Variants in BRCA2 observed in about 807,000 individuals in gnomAD.
BRCA2 encodes BRCA2 DNA repair associated, also known as breast cancer type 2 susceptibility protein.
In BRCA2, 203 loss-of-function variants were observed where a neutral mutation model predicts 276.7. The observed-to-expected ratio is 0.73, with a 90% CI of 0.65 to 0.82. The LOEUF (loss-of-function observed/expected upper bound fraction) is 0.82. BRCA2 is among the 40% of genes least tolerant of loss of function. The probability of loss-of-function intolerance (pLI) is 0.00; values close to 1 mark genes in which losing one functional copy is unlikely to be tolerated. For synonymous variants in BRCA2, 1,289 were observed against 1,338.4 expected, an observed-to-expected ratio of 0.96 and a Z score of 0.81; for missense variants, 3,920 against 3,915.0, an observed-to-expected ratio of 1.00 and a Z score of -0.03.
chr13:32,341,702 T>TA (rs1221130974), intron 11 of BRCA2, among the ~76,000 whole-genome samples: 5 of 151,460 alleles, frequency 3.3e-5, no homozygotes, highest in Non-Finnish European at 2.9e-5. Context: ...CCGTCTCTAC[T>TA]AAAAAAATAC....
rs1395301094 is a variant in BRCA2 at position 32,349,108 on chromosome 13, G to C, written c.7007+2212G>C. On this transcript the variant is annotated intron_variant, in intron 13 of 26. Coordinates refer to ENST00000380152, the MANE Select transcript of BRCA2 (RefSeq NM_000059.4). Reference sequence around the variant, plus strand: ...GTGGTGGCACACGCCTGTAATCCCAGCTACTCCAGAGGCTGAGGCACAAGA... The same window carrying C: ...GTGGTGGCACACGCCTGTAATCCCACCTACTCCAGAGGCTGAGGCACAAGA... 2.0e-5 allele frequency among the ~76,000 whole-genome samples: 3 copies of C among 151,116 alleles called. No individual in the cohort carries two copies. The East Asian group carries it at 5.8e-4, about 29-fold the overall frequency.
At chr13:32,332,235 T>C in intron 9 of BRCA2, 37 bp from the exon 10 acceptor site, 1 of 1,530,406 alleles carries the variant, frequency 6.5e-7, no homozygotes, top group East Asian at 2.3e-5. Flanking sequence ...ATATGGCTTA[T>C]AAAATATTAA....
At chr13:32,345,987 A>G (rs963331720) in intron 12 of BRCA2, among the ~76,000 whole-genome samples, 1 of 151,946 alleles carries the variant, frequency 6.6e-6, no homozygotes, top group African/African-American at 2.4e-5. Flanking sequence ...ATTCTTCCGG[A>G]TGTGGTTACC....
At chr13:32,317,086 C>G (rs960757566) in intron 2 of BRCA2, among the ~76,000 whole-genome samples, 1 of 152,116 alleles carries the variant, frequency 6.6e-6, no homozygotes, top group African/African-American at 2.4e-5. Flanking sequence ...GTAATCCCAG[C>G]TACACGGGAG....
Position 32,339,129 on chromosome 13 carries a change from A to G in BRCA2, c.4774A>G (p.Lys1592Glu), listed in dbSNP as rs886040548. Residue 1592 changes from lysine (K) to glutamate (E), a missense_variant, in exon 11 of 27, where the codon AAA becomes GAA. Physicochemically the swap from Lys to Glu is moderately conservative, Grantham distance 56 (BLOSUM62 1). This residue lies in a region of BRCA2 where 3,263 missense variants were observed against 3,156.9 expected (regional missense o/e 1.03). Transcript: ENST00000380152. ...TGAGATCACAGCTGCCCCAAAGTGT[A>G]AAGAAATGCAGAATTCTCTCAATAA... The part of the protein sequence containing the change: ...TIEITAAPKC[K>E]EMQNSLNNDK... The G allele has an allele frequency of 6.2e-7, 1 of 1,614,040 alleles. No individual in the cohort carries two copies. The highest frequency in any genetic ancestry group is 1.7e-5 in the Admixed American group (1 of 60,022).
intron 18 of BRCA2, among the ~76,000 whole-genome samples, chr13:32,364,613 A>G (rs2072768454): frequency 7.1e-6 from 1 of 141,660 alleles, no homozygotes; most frequent in Non-Finnish European, 1.6e-5. Context: ...TTAATACCTA[A>G]TCGACTGTGA....
At chr13:32,333,424 T>C (rs761246845) in intron 10 of BRCA2, 37 bp downstream of exon 10, 8 of 1,582,030 alleles carry the variant, frequency 5.1e-6, no homozygotes, top group African/African-American at 1.4e-5. Context: ...ATAGTACATA[T>C]AGTTTTATAG....
In BRCA2 at chr13:32,355,116, G is replaced by C. The variant is rs1555286060; in HGVS notation, c.7263G>C (p.Gln2421His). The C allele has an allele frequency of 3.1e-6, 5 of 1,613,666 alleles. No homozygotes were observed. The highest frequency in any genetic ancestry group is 4.2e-6 in the Non-Finnish European group (5 of 1,179,646). Residue 2421 changes from glutamine to histidine, a missense_variant, in exon 14 of 27, where the codon CAG becomes CAC. Gln to His is a conservative substitution (Grantham distance 24, BLOSUM62 0). Coordinates refer to ENST00000380152, the MANE Select transcript of BRCA2 (RefSeq NM_000059.4). Reference protein sequence around the residue: ...KTKSHFHRVEQCVRNINLEEN... With the variant: ...KTKSHFHRVEHCVRNINLEEN... ...AATCACATTTTCACAGAGTTGAACA[G>C]TGTGTTAGGAATATTAACTTGGAGG...
chr13:32,341,450 A>G (rs368477656), intron 11 of BRCA2, among the ~76,000 whole-genome samples: 6 of 152,300 alleles, frequency 3.9e-5, no homozygotes, highest in Admixed American at 3.3e-4. Context: ...AAGGGTCTCA[A>G]TATATTTTCA....
At chr13:32,319,764 A>G (rs2072293949) in intron 3 of BRCA2, among the ~76,000 whole-genome samples, 1 of 152,220 alleles carries the variant, frequency 6.6e-6, no homozygotes, top group Admixed American at 6.5e-5. Context: ...ATGTAATAAG[A>G]TTATATATTC....
chr13:32,358,476 CAAAAAAAA>C (rs34469166), intron 16 of BRCA2, among the ~76,000 whole-genome samples: 1 of 118,562 alleles, frequency 8.4e-6, no homozygotes, highest in African/African-American at 3.2e-5. Context: ...GACTCCATCT[CAAAAAAAA>C]AAAAAAGAAA....
At chr13:32,344,733 G>GAGGT in intron 12 of BRCA2, 80 bp downstream of exon 12, 2 of 995,874 alleles carry the variant, frequency 2.0e-6, no homozygotes, top group Non-Finnish European at 1.6e-6. Context: ...TGATCCACCT[G>GAGGT]CCTCTCAAAG....
chr13:32,396,192 T>G (rs1384063352), intron 25 of BRCA2: 1 of 166,572 alleles, frequency 6.0e-6, no homozygotes, highest in Non-Finnish European at 1.3e-5. Context: ...CAGTCTGGTC[T>G]CGAACTCTTG....
At chr13:32,372,428 A>G (rs572131628) in intron 20 of BRCA2, among the ~76,000 whole-genome samples, 5 of 152,332 alleles carry the variant, frequency 3.3e-5, no homozygotes, top group African/African-American at 1.2e-4. Flanking sequence ...AGGAGGCCTC[A>G]GGAAACTTAC....
intron 18 of BRCA2, among the ~76,000 whole-genome samples, chr13:32,364,524 T>C (rs1334176322): frequency 6.6e-6 from 1 of 152,236 alleles, no homozygotes; most frequent in Non-Finnish European, 1.5e-5. Flanking sequence ...CCATCTTCCC[T>C]CTACTAATAC....
At position 32,356,398 on chromosome 13, in the gene BRCA2, T is replaced by G. The variant is rs925773518; in HGVS notation, c.7436-30T>G. On this transcript the variant is annotated intron_variant, in intron 14 of 26. Coordinates refer to ENST00000380152, the MANE Select transcript of BRCA2 (RefSeq NM_000059.4). ...GGTTGTGCTTTTTAAATTTCAATTT[T>G]ATTTTTGCTAAGTATTTATTCTTTG... is the stretch of plus-strand genomic sequence containing the variant. 5.6e-6 allele frequency: 9 copies of G among 1,604,910 alleles called. No individual in the cohort carries two copies. In the East Asian group the frequency reaches 1.8e-4, roughly 32 times the overall value.
intron 20 of BRCA2, among the ~76,000 whole-genome samples, 194 bp from the exon 21 acceptor site, chr13:32,376,475 CA>C (rs2072872305): frequency 6.8e-6 from 1 of 148,144 alleles, no homozygotes; most frequent in South Asian, 2.1e-4. Flanking sequence ...GAGCCGAGAT[CA>C]CACCACTGCA....
chr13:32,398,707 G>A lies in BRCA2; in HGVS notation c.10194G>A (p.Gln3398=), dbSNP rs1555290067. The A allele has an allele frequency of 6.2e-7, 1 of 1,614,036 alleles. No homozygotes were observed. The highest frequency in any genetic ancestry group is 8.5e-7 in the Non-Finnish European group (1 of 1,179,982). ...TSLIKEQESS[Q]ASTEECEKNK... ...TGATCAAAGAACAGGAGAGTTCCCA[G>A]GCCAGTACGGAAGAATGTGAGAAAA... Residue 3398 remains glutamine, a synonymous_variant, in exon 27 of 27, where the codon CAG becomes CAA. Transcript: ENST00000380152.
intron 7 of BRCA2, 86 bp from the exon 8 acceptor site, chr13:32,329,357 G>C: frequency 1.1e-6 from 1 of 882,278 alleles, no homozygotes; most frequent in Non-Finnish European, 1.8e-6. Flanking sequence ...TAATCAAATA[G>C]TAGATGTGCT....
Sources: allele counts gnomAD v4.1 joint callset (sites outside exome capture counted in the v4.1 genomes callset), GRCh38; gene constraint gnomAD v4.1.1; regional missense constraint gnomAD v4.1.1; transcripts MANE v1.5; gene names NCBI Gene and HGNC (gene_info 2026-07-23, HGNC 2026-07-21).